Variants in MGAT4C observed in about 807,000 individuals in gnomAD.
The protein encoded by MGAT4C is alpha-1,3-mannosyl-glycoprotein 4-beta-N-acetylglucosaminyltransferase C.
Under a neutral mutation model 40.1 loss-of-function variants are expected in MGAT4C, and 19 were observed. That is an observed-to-expected ratio of 0.47 (90% confidence interval 0.33 to 0.70). The LOEUF (loss-of-function observed/expected upper bound fraction) is 0.70, where lower values mean the gene tolerates loss of function less well. Among genes scored for constraint, MGAT4C ranks in the 30% least tolerant of loss-of-function variants. The pLI is 0.02. For missense variants in MGAT4C, 491 were observed against 563.2 expected (o/e 0.87, Z 1.30); for synonymous variants, 181 against 187.1 (o/e 0.97, Z 0.27).
intron 1 of MGAT4C, among the ~76,000 whole-genome samples, chr12:86,088,413 C>G (rs1872300708): frequency 6.6e-6 from 1 of 151,980 alleles, no homozygotes; most frequent in Non-Finnish European, 1.5e-5. Flanking sequence ...GCAAAAGAAA[C>G]TATCAACAGA....
chr12:86,613,807 T>G (rs1962360865), intron 2 of MGAT4C, among the ~76,000 whole-genome samples: 1 of 152,034 alleles, frequency 6.6e-6, no homozygotes, highest in Non-Finnish European at 1.5e-5. Flanking sequence ...GAAAGTAAGA[T>G]TACAAAATTA....
intron 1 of MGAT4C, among the ~76,000 whole-genome samples, chr12:86,185,150 T>G (rs913489997): frequency 1.5e-4 from 23 of 152,136 alleles, no homozygotes; most frequent in African/African-American, 4.3e-4. Context: ...TAAACAAAAT[T>G]TGTTATAATT....
chr12:86,701,796 T>C (rs1469103209), intron 2 of MGAT4C, among the ~76,000 whole-genome samples: 2 of 152,034 alleles, frequency 1.3e-5, no homozygotes, highest in African/African-American at 4.8e-5. Flanking sequence ...TTGAAGGGAA[T>C]GAAAAGGGCT....
At chr12:86,345,208 T>A (rs1955002140) in intron 3 of MGAT4C, among the ~76,000 whole-genome samples, 1 of 152,084 alleles carries the variant, frequency 6.6e-6, no homozygotes, top group Admixed American at 6.5e-5. Context: ...CAAGCTGCAC[T>A]CACATTACTT....
chr12:86,464,485 T>C (rs1456237407), intron 2 of MGAT4C, among the ~76,000 whole-genome samples: 8 of 152,100 alleles, frequency 5.3e-5, no homozygotes, highest in African/African-American at 1.9e-4. Flanking sequence ...TATTTGATTA[T>C]AACCATCTAT....
At chr12:86,088,928 G>C (rs1418128203) in intron 1 of MGAT4C, among the ~76,000 whole-genome samples, 1 of 151,950 alleles carries the variant, frequency 6.6e-6, no homozygotes, top group African/African-American at 2.4e-5. Context: ...TATAGCAATT[G>C]TAAGTATTAT....
At chr12:86,800,123 A>G (rs996680918) in intron 1 of MGAT4C, among the ~76,000 whole-genome samples, 1 of 151,882 alleles carries the variant, frequency 6.6e-6, no homozygotes, top group African/African-American at 2.4e-5. Flanking sequence ...TTAGACTACC[A>G]TTTCAGCTGA....
intron 1 of MGAT4C, among the ~76,000 whole-genome samples, chr12:86,093,676 T>C (rs1348249619): frequency 1.3e-5 from 2 of 151,898 alleles, no homozygotes; most frequent in African/African-American, 4.8e-5. Flanking sequence ...TGCAGTGAGC[T>C]ATGATCGCAC....
rs1882978027 is a variant in MGAT4C at position 85,959,109 on chromosome 12, T to TTTA, written c.*20177_*20179dup. On this transcript the variant is annotated 3_prime_UTR_variant, in exon 5 of 5. Coordinates refer to ENST00000611864, the MANE Select transcript of MGAT4C (RefSeq NM_001351288.2). ...ATACATGTAGACTCAGCATCCAAAC[T>TTTA]TTATTTTACCTTCAAGTTCTACCTG... 1 of 150,398 alleles carries TTTA rather than the reference T, an allele frequency of 6.6e-6. No homozygotes were observed. Among genetic ancestry groups the TTTA allele is most frequent in the Non-Finnish European group, 1.5e-5 (1 of 67,122 alleles). 9.3% of individuals were successfully genotyped at this position (150,398 alleles called of 1,614,324 possible). A position where few individuals can be genotyped will look rare whatever the true frequency, so the allele number is the denominator to read the frequency against.
At chr12:86,732,244 C>T (rs1054654018) in intron 1 of MGAT4C, among the ~76,000 whole-genome samples, 3 of 152,068 alleles carry the variant, frequency 2.0e-5, no homozygotes, top group Non-Finnish European at 4.4e-5. Flanking sequence ...TTCATCAATG[C>T]ATTTGAATGT....
At chr12:86,072,955 G>T (rs1160694289) in intron 1 of MGAT4C, among the ~76,000 whole-genome samples, 3 of 152,052 alleles carry the variant, frequency 2.0e-5, no homozygotes, top group East Asian at 3.9e-4. Flanking sequence ...AGAGGACTAG[G>T]AGTTACATTT....
chr12:86,739,101 G>A (rs887624022), intron 1 of MGAT4C, among the ~76,000 whole-genome samples: 2 of 98,580 alleles, frequency 2.0e-5, no homozygotes, highest in Non-Finnish European at 1.8e-5. Context: ...GATGGGTAAA[G>A]CAGATTTTTA....
At chr12:86,660,016 T>C (rs1198487270) in intron 2 of MGAT4C, among the ~76,000 whole-genome samples, 1 of 151,308 alleles carries the variant, frequency 6.6e-6, no homozygotes, top group Non-Finnish European at 1.5e-5. Flanking sequence ...CAGCACCCTC[T>C]ATTTACACAG....
chr12:86,753,789 T>C (rs558975522), intron 1 of MGAT4C, among the ~76,000 whole-genome samples: 1 of 151,916 alleles, frequency 6.6e-6, no homozygotes, highest in Admixed American at 6.6e-5. Context: ...ATTAAGAAAA[T>C]GCAAATTAAA....
intron 2 of MGAT4C, among the ~76,000 whole-genome samples, chr12:86,524,342 C>T (rs528264889): frequency 6.6e-6 from 1 of 152,142 alleles, no homozygotes; most frequent in Non-Finnish European, 1.5e-5. Context: ...TTTTCCTTCA[C>T]TCTTGAAGCT....
intron 2 of MGAT4C, 63 bp downstream of exon 2, chr12:86,049,611 T>C: frequency 6.0e-6 from 5 of 826,634 alleles, no homozygotes; most frequent in Non-Finnish European, 5.8e-6. Flanking sequence ...TTAAATATTT[T>C]TGATAATACA....
chr12:86,475,101 G>T (rs1468060290), intron 2 of MGAT4C, among the ~76,000 whole-genome samples: 1 of 151,972 alleles, frequency 6.6e-6, no homozygotes, highest in Non-Finnish European at 1.5e-5. Flanking sequence ...AAGTCAGAAT[G>T]CTCTTTTTCA....
chr12:86,365,026 G>C (rs968731922), intron 3 of MGAT4C, among the ~76,000 whole-genome samples: 1 of 152,166 alleles, frequency 6.6e-6, no homozygotes, highest in Non-Finnish European at 1.5e-5. Context: ...GAATTTCCTC[G>C]TCCTAATACG....
intron 1 of MGAT4C, among the ~76,000 whole-genome samples, chr12:86,790,426 C>A (rs1446017175): frequency 6.6e-6 from 1 of 151,910 alleles, no homozygotes; most frequent in Non-Finnish European, 1.5e-5. Context: ...TCAAAAAAAA[C>A]TAGATTTAAA....
Sources: gnomAD v4.1 joint callset for allele counts (sites outside exome capture counted in the v4.1 genomes callset) on GRCh38, gnomAD v4.1.1 for gene constraint, MANE v1.5 for transcripts, NCBI Gene and HGNC (gene_info 2026-07-23, HGNC 2026-07-21) for gene names.